VPS13D: variants seen among roughly 807,000 people sequenced by gnomAD.
VPS13D encodes vacuolar protein sorting 13 homolog D.
Under a neutral mutation model 461.9 loss-of-function variants are expected in VPS13D, and 187 were observed. The ratio of observed to expected loss-of-function variants is 0.40; its 90% CI spans 0.36 to 0.46. The LOEUF is 0.46. Ranked by LOEUF, VPS13D falls within the 20% of genes least tolerant of loss-of-function variation. The pLI is 0.60. For synonymous variants in VPS13D, 1,951 were observed against 1,986.3 expected (o/e 0.98, Z 0.47); for missense variants, 4,711 against 5,364.9 (o/e 0.88, Z 3.81).
intron 65 of VPS13D, among the ~76,000 whole-genome samples, chr1:12,454,161 C>G (rs1324971181): frequency 1.3e-5 from 2 of 152,138 alleles, no homozygotes; most frequent in African/African-American, 4.8e-5. Flanking sequence ...TCTGGCTATT[C>G]TCCAGATGCA....
chr1:12,507,040 G>A lies in VPS13D; in HGVS notation c.12982G>A (p.Val4328Met), dbSNP rs2100566851. ...GTATGTGCAGGTGACCAAGAAAGCC[G>A]TGAGCACGAGCAGTGGAGTGTCCAT... ...KVYVQVTKKA[V>M]STSSGVSIPG... is the part of the protein sequence containing the mutation. The change falls in exon 69 of 70, where the codon GTG becomes ATG. Residue 4328 changes from valine to methionine, a missense_variant. Physicochemically the swap from Val to Met is conservative, Grantham distance 21. Transcript: ENST00000620676. The surrounding 1 kb of genome is among the most constrained non-coding windows in gnomAD (Gnocchi z 5.3). 3.7e-6 allele frequency: 6 copies of A among 1,614,274 alleles called. No homozygotes were observed. The highest frequency in any genetic ancestry group is 3.3e-5 in the South Asian group (3 of 91,090).
chr1:12,402,563 C>A (rs1644595180), intron 62 of VPS13D: 1 of 152,128 alleles, frequency 6.6e-6, no homozygotes, highest in African/African-American at 2.4e-5. Context: ...TTCTTTTTAT[C>A]CCAGATTTAG....
Position 12,256,597 on chromosome 1 carries a change from G to T in VPS13D, c.840+94G>T, listed in dbSNP as rs533568844. 2.6e-3 allele frequency: 3,595 copies of T among 1,374,982 alleles called. 8 individuals carry two copies. Among genetic ancestry groups the T allele is most frequent in the Non-Finnish European group, 3.1e-3 (3,076 of 1,005,908 alleles). 85.2% of individuals were successfully genotyped at this position (1,374,982 alleles called of 1,614,324 possible). On this transcript the variant is annotated intron_variant, in intron 8 of 69. Transcript: ENST00000620676. ...TAACGTATCCTCAGCAGGAAAGAAA[G>T]TTCATGTGAGACCATTTCCCTCCAG...
chr1:12,234,046 C>CAAAACA (rs989976784), intron 1 of VPS13D, 145 bp from the exon 2 acceptor site: 3 of 404,844 alleles, frequency 7.4e-6, no homozygotes, highest in African/African-American at 4.1e-5. Context: ...GAAACTGTCT[C>CAAAACA]AAAACAAAAA....
rs775019208 is a variant in VPS13D at position 12,358,525 on chromosome 1, C to A, written c.10065C>A (p.Ser3355=). The change falls in exon 50 of 70, where the codon TCC becomes TCA. Residue 3355 remains serine, a synonymous_variant. Transcript: ENST00000620676. ...EGMPGWCQGF[S]LDGGSGVRAL... ...TGCCGGGCTGGTGTCAGGGCTTCTC[C>A]CTGGATGGTGGTAGTGGTGTCCGAG... 4.3e-6 allele frequency: 7 copies of A among 1,614,168 alleles called. 1 individual carries two copies. In the South Asian group the frequency reaches 7.7e-5, roughly 18 times the overall value.
chr1:12,452,410 C>T (rs1645274272), intron 65 of VPS13D, among the ~76,000 whole-genome samples: 1 of 152,186 alleles, frequency 6.6e-6, no homozygotes. Flanking sequence ...AGTCAAGGAC[C>T]TGGGTAAAAT....
In VPS13D at chr1:12,349,285, T is replaced by C; in HGVS notation, c.9342T>C (p.Ile3114=). 6.2e-7 allele frequency: 1 copy of C among 1,614,162 alleles called. No homozygotes were observed. Among genetic ancestry groups the C allele is most frequent in the East Asian group, 2.2e-5 (1 of 44,882 alleles). Residue 3114 remains isoleucine, a synonymous_variant, in exon 46 of 70, where the codon ATT becomes ATC. Transcript: ENST00000620676. ...GTGTATTTTTCTGTAAGGCTCCCAT[T>C]CATTGGACCAATGTAGTGAAGACTG... is the stretch of plus-strand genomic sequence containing the variant. ...GLGVFFCKAP[I]HWTNVVKTAE... is the part of the protein sequence containing the mutation.
At chr1:12,478,515 A>T in intron 67 of VPS13D, 1 of 283,500 alleles carries the variant, frequency 3.5e-6, no homozygotes, top group Non-Finnish European at 7.1e-6. Flanking sequence ...ACAGGGCAAA[A>T]GTTTATAAAG....
chr1:12,417,477 T>G (rs533390944), intron 65 of VPS13D, among the ~76,000 whole-genome samples: 398 of 152,292 alleles, frequency 2.6e-3, no homozygotes, highest in Non-Finnish European at 4.9e-3. Flanking sequence ...GAGCTCTGCT[T>G]TTTTTCTCTT....
intron 60 of VPS13D, among the ~76,000 whole-genome samples, chr1:12,391,485 A>C (rs1184308697): frequency 1.4e-5 from 2 of 143,478 alleles, no homozygotes; most frequent in East Asian, 4.0e-4. Flanking sequence ...GCTCGAGCCC[A>C]ATCACATATA....
At chr1:12,275,772 A>G in intron 18 of VPS13D, 53 bp from the exon 19 acceptor site, 2 of 1,503,688 alleles carry the variant, frequency 1.3e-6, no homozygotes, top group South Asian at 1.4e-5. Context: ...CATTAAGGGA[A>G]AGAGGAGGGA....
intron 67 of VPS13D, among the ~76,000 whole-genome samples, chr1:12,469,444 AC>A (rs1317102212): frequency 2.0e-5 from 3 of 152,230 alleles, no homozygotes; most frequent in African/African-American, 4.8e-5. Flanking sequence ...TAAGAGATTT[AC>A]AAAAATGTGC....
chr1:12,282,657 C>T (rs766819644), intron 20 of VPS13D, 48 bp from the exon 21 acceptor site: 19 of 1,523,208 alleles, frequency 1.2e-5, no homozygotes, highest in African/African-American at 4.1e-5. Flanking sequence ...ATTACATCTA[C>T]GTGCATTTAA....
At position 12,378,588 on chromosome 1, in the gene VPS13D, A is replaced by G. The variant is rs1570045070; in HGVS notation, c.11078A>G (p.Asn3693Ser). Residue 3693 changes from asparagine to serine, a missense_variant, in exon 56 of 70, where the codon AAC becomes AGC. Transcript: ENST00000620676. ...DIAGLAAVTD[N>S]RYEPLMLRKP... The stretch of plus-strand genomic sequence containing the variant: ...GCTGGTCTCGCTGCAGTGACTGACA[A>G]CAGGTAATTTTCTAGGCAACTTTTG... The G allele has an allele frequency of 1.9e-6, 3 of 1,554,878 alleles. No homozygotes were observed. The highest frequency in any genetic ancestry group is 1.2e-5 in the South Asian group (1 of 82,368).
chr1:12,368,444 C>G lies in VPS13D; in HGVS notation c.10449-24C>G, dbSNP rs1325440572. Reference sequence around the variant, plus strand: ...TCTTGTCTCCTACATTTTATGTAGCCTCTTTTGTTTCCTTGTCCTGCAGGG... The same window carrying G: ...TCTTGTCTCCTACATTTTATGTAGCGTCTTTTGTTTCCTTGTCCTGCAGGG... On this transcript the variant is annotated intron_variant, in intron 52 of 69. Transcript: ENST00000620676. 9 of 1,583,842 alleles carry G rather than the reference C, an allele frequency of 5.7e-6. No individual in the cohort carries two copies. In the Middle Eastern group the frequency reaches 6.8e-4, roughly 119 times the overall value.
chr1:12,308,560 C>G lies in VPS13D; in HGVS notation c.6569C>G (p.Ser2190Cys). Reference protein sequence around the residue: ...EDSSGDLIFPSYFVRQTGGSL... With the variant: ...EDSSGDLIFPCYFVRQTGGSL... ...AGTAGTGGAGATCTGATCTTCCCTT[C>G]CTATTTTGTGCGACAGACAGGAGGA... The change falls in exon 27 of 70, where the codon TCC (serine) becomes TGC (cysteine). Residue 2190 changes from serine (S) to cysteine (C), a missense_variant. Transcript: ENST00000620676. 6.2e-7 allele frequency: 1 copy of G among 1,613,828 alleles called. No individual in the cohort carries two copies.
intron 67 of VPS13D, among the ~76,000 whole-genome samples, chr1:12,461,632 A>G (rs373540656): frequency 6.6e-6 from 1 of 152,234 alleles, no homozygotes; most frequent in Non-Finnish European, 1.5e-5. Flanking sequence ...AAGCCCAAGA[A>G]GTCCACCTCC....
At chr1:12,481,036 T>G (rs1383616700) in intron 67 of VPS13D, among the ~76,000 whole-genome samples, 1 of 152,228 alleles carries the variant, frequency 6.6e-6, no homozygotes, top group Non-Finnish European at 1.5e-5. Flanking sequence ...GCCCTCTCTG[T>G]CTGCCTTTTG....
At chr1:12,469,255 A>G (rs899990409) in intron 67 of VPS13D, among the ~76,000 whole-genome samples, 5 of 152,126 alleles carry the variant, frequency 3.3e-5, no homozygotes, top group Non-Finnish European at 7.4e-5. Flanking sequence ...ATAACCTAAA[A>G]CCTATTTGTA....
Sources: gnomAD v4.1 joint callset for allele counts (sites outside exome capture counted in the v4.1 genomes callset) on GRCh38, gnomAD v4.1.1 for gene constraint, Gnocchi (gnomAD v3.1) non-coding constraint, MANE v1.5 for transcripts, NCBI Gene and HGNC (gene_info 2026-07-23, HGNC 2026-07-21) for gene names.